Variants in NFIX observed in about 807,000 individuals in gnomAD.
NFIX encodes nuclear factor 1 X-type.
A neutral mutation model predicts 53.3 loss-of-function variants in NFIX; 2 were observed. The ratio of observed to expected loss-of-function variants is 0.04; its 90% CI spans 0.02 to 0.12. The LOEUF (loss-of-function observed/expected upper bound fraction) is 0.12, where lower values mean the gene tolerates loss of function less well. Ranked by LOEUF, NFIX falls within the 10% of genes least tolerant of loss-of-function variation. The pLI is 1.00. For missense variants in NFIX, 310 were observed against 674.5 expected (o/e 0.46, Z 5.99); for synonymous variants, 244 against 289.0 (o/e 0.84, Z 1.58).
chr19:13,054,872 A>G (rs1407125092), intron 2 of NFIX, among the ~76,000 whole-genome samples: 1 of 152,170 alleles, frequency 6.6e-6, no homozygotes, highest in African/African-American at 2.4e-5. Context: ...CCACAGTCAC[A>G]CACAGAGACA....
Position 13,078,757 on chromosome 19 carries a change from AG to A in NFIX, c.1078+28del. 1.9e-6 allele frequency: 3 copies of A among 1,582,820 alleles called. No individual in the cohort carries two copies. The highest frequency in any genetic ancestry group is 3.6e-4 in the Middle Eastern group (2 of 5,590). The stretch of plus-strand genomic sequence containing the variant: ...CCAGGTGAGAAATGGGGGGCCCCGG[AG>A]GGGGGCAGTTGGGGAGGTGGCTGAG... On this transcript the variant is annotated intron_variant, in intron 7 of 10. Coordinates refer to ENST00000592199, the MANE Select transcript of NFIX (RefSeq NM_001365902.3). This position sits in a 1 kb window ranked among gnomAD's most constrained non-coding sequence, Gnocchi z 4.7.
rs2018533848 is a variant in NFIX at position 13,097,586 on chromosome 19, C to G, written c.*2937C>G. Reference sequence around the variant, plus strand: ...TGGACTGCTCCGGCCGCGGGTCTCCCCGGGCGCCCCTCCCTGGGGCCCAGC... The same window carrying G: ...TGGACTGCTCCGGCCGCGGGTCTCCGCGGGCGCCCCTCCCTGGGGCCCAGC... On this transcript the variant is annotated 3_prime_UTR_variant, in exon 11 of 11. Coordinates refer to ENST00000592199, the MANE Select transcript of NFIX (RefSeq NM_001365902.3). 2 of 152,486 alleles carry G rather than the reference C, an allele frequency of 1.3e-5. No individual in the cohort carries two copies. The highest frequency in any genetic ancestry group is 4.8e-5 in the African/African-American group (2 of 41,416). 9.4% of individuals were successfully genotyped at this position (152,486 alleles called of 1,614,324 possible).
Position 13,088,979 on chromosome 19 carries a change from A to C in NFIX, c.1402+843A>C, listed in dbSNP as rs1367566327. 2.5e-5 allele frequency among the ~76,000 whole-genome samples: 3 copies of C among 118,066 alleles called. No individual in the cohort carries two copies. The highest frequency in any genetic ancestry group is 1.7e-5 in the Non-Finnish European group (1 of 57,672). The allele number at this position is 118,066 out of a possible 152,430, so 77.5% of individuals were successfully genotyped here. A position where few individuals can be genotyped will look rare whatever the true frequency, so the allele number is the denominator to read the frequency against. On this transcript the variant is annotated intron_variant, in intron 9 of 10. Transcript: ENST00000592199. The surrounding 1 kb of genome is among the most constrained non-coding windows in gnomAD (Gnocchi z 5.9). ...ATGGGGCGGGTGCTGTCTGTGGGCC[A>C]GGGTGGGCAGCTCTGGGGGTGGGCA... is the stretch of plus-strand genomic sequence containing the variant.
chr19:13,058,976 C>T (rs2015887522), intron 2 of NFIX, among the ~76,000 whole-genome samples: 1 of 152,186 alleles, frequency 6.6e-6, no homozygotes, highest in Admixed American at 6.5e-5. Context: ...GCCACCGTCT[C>T]ACCTTTCTCT....
chr19:13,080,403 T>G (rs1433099252), intron 7 of NFIX, among the ~76,000 whole-genome samples: 1 of 152,186 alleles, frequency 6.6e-6, no homozygotes, highest in Non-Finnish European at 1.5e-5. Flanking sequence ...TTTAAATGTT[T>G]GTTGTAGAGA....
chr19:13,003,422 C>G (rs1164722689), intron 1 of NFIX, among the ~76,000 whole-genome samples: 1 of 152,124 alleles, frequency 6.6e-6, no homozygotes, highest in Non-Finnish European at 1.5e-5. Flanking sequence ...AAATGCAGCC[C>G]CACAGGCACA....
intron 1 of NFIX, among the ~76,000 whole-genome samples, chr19:12,997,337 C>T (rs980913909): frequency 6.6e-6 from 1 of 152,226 alleles, no homozygotes; most frequent in African/African-American, 2.4e-5. Flanking sequence ...CATGGGCAGG[C>T]CTGCGTGGCA....
chr19:13,062,111 G>A (rs1248840927), intron 2 of NFIX, among the ~76,000 whole-genome samples: 1 of 152,158 alleles, frequency 6.6e-6, no homozygotes, highest in African/African-American at 2.4e-5. Context: ...AGAAGAGCAG[G>A]CCTGCGAGAG....
At chr19:13,010,166 G>C (rs1158430218) in intron 1 of NFIX, among the ~76,000 whole-genome samples, 1 of 152,224 alleles carries the variant, frequency 6.6e-6, no homozygotes, top group Non-Finnish European at 1.5e-5. Flanking sequence ...AACCAACAGG[G>C]CTCCAACGAC....
chr19:13,018,971 A>C (rs556902234), intron 1 of NFIX, among the ~76,000 whole-genome samples: 1 of 152,300 alleles, frequency 6.6e-6, no homozygotes, highest in East Asian at 1.9e-4. Context: ...ATTAAAATGG[A>C]TACTGGAATA....
intron 2 of NFIX, among the ~76,000 whole-genome samples, chr19:13,034,032 C>T (rs762675244): frequency 1.3e-5 from 2 of 152,198 alleles, no homozygotes. Flanking sequence ...GGACTCTGGT[C>T]ACATGATGAG....
At chr19:13,024,730 G>C (rs1008426397) in intron 1 of NFIX, 1 of 1,533,836 alleles carries the variant, frequency 6.5e-7, no homozygotes, top group African/African-American at 1.4e-5. Context: ...GTGAGTGAGT[G>C]AGGGAGAGAG....
In NFIX at chr19:13,066,792, A is replaced by G. The variant is rs1173391290; in HGVS notation, c.560-6255A>G. Among the ~76,000 whole-genome samples, 2 of 152,008 alleles carry G rather than the reference A, an allele frequency of 1.3e-5. No homozygotes were observed. Among genetic ancestry groups the G allele is most frequent in the Non-Finnish European group, 2.9e-5 (2 of 67,980 alleles). On this transcript the variant is annotated intron_variant, in intron 2 of 10. Transcript: ENST00000592199. This position sits in a 1 kb window ranked among gnomAD's most constrained non-coding sequence, Gnocchi z 4.2. ...GCACATGCATGGTGGCTGGTGGAGCAGGGTGAGGAATGGAGAGAAGGAGAG... is the reference window on the plus strand; with the variant it reads ...GCACATGCATGGTGGCTGGTGGAGCGGGGTGAGGAATGGAGAGAAGGAGAG...
chr19:13,008,523 T>C (rs545480120), intron 1 of NFIX, among the ~76,000 whole-genome samples: 9 of 152,324 alleles, frequency 5.9e-5, no homozygotes, highest in Non-Finnish European at 8.8e-5. Context: ...ACTCGCTTGC[T>C]CCAATCTTCC....
At chr19:13,076,066 A>G (rs980359414) in intron 6 of NFIX, among the ~76,000 whole-genome samples, 3 of 152,098 alleles carry the variant, frequency 2.0e-5, no homozygotes, top group African/African-American at 7.2e-5. Flanking sequence ...TGTTCTGTGC[A>G]TGGCAGGATG....
At chr19:13,056,742 G>C (rs1437731439) in intron 2 of NFIX, among the ~76,000 whole-genome samples, 1 of 152,168 alleles carries the variant, frequency 6.6e-6, no homozygotes, top group Non-Finnish European at 1.5e-5. Flanking sequence ...AGAATTTGTG[G>C]GGCCCAGTGC....
intron 2 of NFIX, among the ~76,000 whole-genome samples, chr19:13,050,458 A>G (rs971383793): frequency 1.3e-5 from 2 of 152,140 alleles, no homozygotes; most frequent in Non-Finnish European, 2.9e-5. Flanking sequence ...TCCATTACAC[A>G]CCAGCTTTCA....
chr19:13,078,818 AGCTGACCCCGAGTGACAGCCCCAC>A lies in NFIX; in HGVS notation c.1078+87_1078+110del. ...GCAGCTGGCCAGGTGAAGGGGCCAG[AGCTGACCCCGAGTGACAGCCCCAC>A]GCTCTCCAAGTGGGCCAAGGTGCAG... On this transcript the variant is annotated intron_variant, in intron 7 of 10. Coordinates refer to ENST00000592199, the MANE Select transcript of NFIX (RefSeq NM_001365902.3). This position sits in a 1 kb window ranked among gnomAD's most constrained non-coding sequence, Gnocchi z 4.7. 3.5e-6 allele frequency: 5 copies of A among 1,438,168 alleles called. No homozygotes were observed. In the South Asian group the frequency reaches 6.6e-5, roughly 19 times the overall value. The allele number at this position is 1,438,168 out of a possible 1,614,324, so 89.1% of individuals were successfully genotyped here. A position where few individuals can be genotyped will look rare whatever the true frequency, so the allele number is the denominator to read the frequency against.
Position 13,036,537 on chromosome 19 carries a change from G to A in NFIX, c.559+10985G>A, listed in dbSNP as rs967885243. On this transcript the variant is annotated intron_variant, in intron 2 of 10. Transcript: ENST00000592199. This position sits in a 1 kb window ranked among gnomAD's most constrained non-coding sequence, Gnocchi z 4.7. ...ACCTGGTGACTCTTGTGGACTGGGC[G>A]GAGCTGTGTGGAGCGATCGGGAGAT... is the stretch of plus-strand genomic sequence containing the variant. Among the ~76,000 whole-genome samples, 5 of 152,150 alleles carry A rather than the reference G, an allele frequency of 3.3e-5. No individual in the cohort carries two copies. The highest frequency in any genetic ancestry group is 4.8e-5 in the African/African-American group (2 of 41,412).
Sources: allele counts gnomAD v4.1 joint callset (sites outside exome capture counted in the v4.1 genomes callset), GRCh38; gene constraint gnomAD v4.1.1; non-coding constraint Gnocchi (gnomAD v3.1); transcripts MANE v1.5; gene names NCBI Gene and HGNC (gene_info 2026-07-23, HGNC 2026-07-21).